PRAM1: variants seen among roughly 807,000 people sequenced by gnomAD.
The protein encoded by PRAM1 is PML-RARA regulated adaptor molecule 1, also known as PML-RARA-regulated adapter molecule 1.
Under a neutral mutation model 55.3 loss-of-function variants are expected in PRAM1, and 41 were observed. The ratio of observed to expected loss-of-function variants is 0.74; its 90% confidence interval spans 0.58 to 0.96. The LOEUF (loss-of-function observed/expected upper bound fraction) is 0.96. PRAM1 is among the 40% of genes least tolerant of loss of function. The pLI is 0.00. For synonymous variants in PRAM1, 401 were observed against 387.1 expected, an observed-to-expected ratio of 1.04 and a Z score of -0.42; for missense variants, 898 against 892.7, an observed-to-expected ratio of 1.01 and a Z score of -0.08.
In PRAM1 at chr19:8,490,640, C is replaced by A. The variant is rs760586369; in HGVS notation, c.1860G>T (p.Glu620Asp). 6.3e-7 allele frequency: 1 copy of A among 1,586,278 alleles called. No individual in the cohort carries two copies. Residue 620 changes from glutamate (E) to aspartate (D), a missense_variant, in exon 7 of 10, where the codon GAG becomes GAT. Physicochemically the swap from Glu to Asp is conservative, Grantham distance 45 (BLOSUM62 2). Around this residue, in one of 4 missense-constraint regions of PRAM1, gnomAD observed 787 missense variants for 735.4 expected, o/e 1.07. Transcript: ENST00000423345. This position sits in a 1 kb window ranked among gnomAD's most constrained non-coding sequence, Gnocchi z 7.3. ...ACAGCATCTCCTCATTGCTGGTGAA[C>A]TCGATCACCTCCAGGATCTCCCCGC... ...IRRGEILEVIEFTSNEEMLCR... is the reference protein window; with the variant it reads ...IRRGEILEVIDFTSNEEMLCR...
intron 1 of PRAM1, 41 bp from the exon 2 acceptor site, chr19:8,499,821 C>T: frequency 6.6e-7 from 1 of 1,508,724 alleles, no homozygotes; most frequent in South Asian, 1.2e-5. Context: ...CTCAAACACA[C>T]AGAAGGGGCA....
chr19:8,499,861 A>C, intron 1 of PRAM1, 81 bp from the exon 2 acceptor site: 7 of 1,202,362 alleles, frequency 5.8e-6, no homozygotes, highest in South Asian at 1.5e-5. Flanking sequence ...ACCCTCAGGC[A>C]CAGCCCACAA....
intron 1 of PRAM1, among the ~76,000 whole-genome samples, chr19:8,500,344 C>T (rs543930724): frequency 2.0e-5 from 3 of 152,048 alleles, no homozygotes; most frequent in Admixed American, 6.5e-5. Context: ...TCACCACTGT[C>T]ACCCCAGGAG....
chr19:8,499,813 C>T (rs1395287790), intron 1 of PRAM1, 33 bp from the exon 2 acceptor site: 6 of 1,533,908 alleles, frequency 3.9e-6, no homozygotes, highest in African/African-American at 1.4e-5. Context: ...GGCAGGGGCT[C>T]AAACACACAG....
At chr19:8,496,852 C>T (rs1971705898) in intron 4 of PRAM1, among the ~76,000 whole-genome samples, 1 of 152,012 alleles carries the variant, frequency 6.6e-6, no homozygotes, top group African/African-American at 2.4e-5. Context: ...GGTGAAACCC[C>T]ATCTCTACTA....
Position 8,498,531 on chromosome 19 carries a change from C to A in PRAM1, c.1277G>T (p.Ser426Ile). ...PRWRSGGLVH[S>I]GGARPGLRPS... Reference sequence around the variant, plus strand: ...TCTGAGGCCTGGCCTGGCCCCTCCACTGTGAACCAGGCCTCCTGACCTCCA... The same window carrying A: ...TCTGAGGCCTGGCCTGGCCCCTCCAATGTGAACCAGGCCTCCTGACCTCCA... Residue 426 changes from serine to isoleucine, a missense_variant, in exon 2 of 10, where the codon AGT becomes ATT. Physicochemically the swap from Ser to Ile is moderately radical, Grantham distance 142 (BLOSUM62 -2). This residue lies in a region of PRAM1 where 787 missense variants were observed against 735.4 expected (regional missense o/e 1.07). Transcript: ENST00000423345. 1 of 1,608,344 alleles carries A rather than the reference C, an allele frequency of 6.2e-7. No individual in the cohort carries two copies. The highest frequency in any genetic ancestry group is 2.2e-5 in the East Asian group (1 of 44,806).
In PRAM1 at chr19:8,499,334, C is replaced by G. The variant is rs372388181; in HGVS notation, c.474G>C (p.Pro158=). Residue 158 remains proline, a synonymous_variant, in exon 2 of 10, where the codon CCG becomes CCC. Transcript: ENST00000423345. The part of the protein sequence containing the change: ...VGEAPLKASL[P]EPGAPARKPL... ...GTTTCCGGGCCGGCGCACCAGGCTC[C>G]GGCAGCGAGGCCTTCAAAGGGGCCT... 8 of 1,610,994 alleles carry G rather than the reference C, an allele frequency of 5.0e-6. No individual in the cohort carries two copies. The highest frequency in any genetic ancestry group is 1.7e-4 in the Middle Eastern group (1 of 5,858).
chr19:8,500,511 T>G (rs1292944765), intron 1 of PRAM1, among the ~76,000 whole-genome samples: 1 of 152,160 alleles, frequency 6.6e-6, no homozygotes, highest in Admixed American at 6.5e-5. Flanking sequence ...TGTGTCCCTC[T>G]GCTCAAAACT....
At position 8,497,641 on chromosome 19, in the gene PRAM1, T is replaced by C. The variant is rs374366366; in HGVS notation, c.1576+123A>G. ...GTCCTTCGCCTCTGGGCTCCCCTTA[T>C]GTAGTTCCACCCAGCAGGAGCCAGC... On this transcript the variant is annotated intron_variant, in intron 4 of 9. Transcript: ENST00000423345. The C allele has an allele frequency of 9.4e-4, 698 of 738,954 alleles. 2 individuals carry two copies. The African/African-American group carries it at 0.011, about 12-fold the overall frequency. 45.8% of individuals were successfully genotyped at this position (738,954 alleles called of 1,614,324 possible).
Position 8,490,110 on chromosome 19 carries a change from T to C in PRAM1, c.*79A>G. ...GTACAAGCCCAGGCAGCTCTGTGAC[T>C]TTCCCGCGCCGGGATCCAGGGCTCC... On this transcript the variant is annotated 3_prime_UTR_variant, in exon 10 of 10. Coordinates refer to ENST00000423345, the MANE Select transcript of PRAM1 (RefSeq NM_032152.5). This position sits in a 1 kb window ranked among gnomAD's most constrained non-coding sequence, Gnocchi z 7.3. 1.4e-6 allele frequency: 2 copies of C among 1,399,120 alleles called. No individual in the cohort carries two copies. The highest frequency in any genetic ancestry group is 1.9e-6 in the Non-Finnish European group (2 of 1,045,528). The allele number at this position is 1,399,120 out of a possible 1,614,324, so 86.7% of individuals were successfully genotyped here.
At chr19:8,494,500 G>A (rs538264001) in intron 4 of PRAM1, among the ~76,000 whole-genome samples, 95 of 152,298 alleles carry the variant, frequency 6.2e-4, no homozygotes, top group Non-Finnish European at 1.2e-3. Context: ...GGCTGTCAGC[G>A]AGAGCAGGAG....
In PRAM1 at chr19:8,499,365, A is replaced by G. The variant is rs781342267; in HGVS notation, c.443T>C (p.Val148Ala). ...CGAGGCCTTCAAAGGGGCCTCACCG[A>G]CCTCAGGCTGCAGGGGCTTCCTTGG... Reference protein sequence around the residue: ...PFPRKPLQPEVGEAPLKASLP... With the variant: ...PFPRKPLQPEAGEAPLKASLP... The change falls in exon 2 of 10, where the codon GTC becomes GCC. Residue 148 changes from valine to alanine, a missense_variant. Physicochemically the swap from Val to Ala is moderately conservative, Grantham distance 64. Coordinates refer to ENST00000423345, the MANE Select transcript of PRAM1 (RefSeq NM_032152.5). 11 of 1,612,800 alleles carry G rather than the reference A, an allele frequency of 6.8e-6. No individual in the cohort carries two copies. The highest frequency in any genetic ancestry group is 9.3e-6 in the Non-Finnish European group (11 of 1,179,710).
chr19:8,492,243 T>TG (rs1971640649), intron 4 of PRAM1, among the ~76,000 whole-genome samples: 3 of 142,208 alleles, frequency 2.1e-5, no homozygotes, highest in South Asian at 2.3e-4. Flanking sequence ...CCGTTTTTTT[T>TG]TTTGTTTCTT....
Position 8,498,503 on chromosome 19 carries a change from G to A in PRAM1, c.1305C>T (p.Pro435=). 1 of 1,597,030 alleles carries A rather than the reference G, an allele frequency of 6.3e-7. No homozygotes were observed. Among genetic ancestry groups the A allele is most frequent in the East Asian group, 2.2e-5 (1 of 44,594 alleles). Residue 435 remains proline, a synonymous_variant, in exon 2 of 10, where the codon CCC becomes CCT. Coordinates refer to ENST00000423345, the MANE Select transcript of PRAM1 (RefSeq NM_032152.5). ...GAGGCCTCCGCCGGGGTGGATGGCTGGGTCTGAGGCCTGGCCTGGCCCCTC... is the reference window on the plus strand; with the variant it reads ...GAGGCCTCCGCCGGGGTGGATGGCTAGGTCTGAGGCCTGGCCTGGCCCCTC... The part of the protein sequence containing the change: ...HSGGARPGLR[P]SHPPRRRPLP...
intron 4 of PRAM1, chr19:8,491,521 C>CT: frequency 2.9e-6 from 1 of 343,818 alleles, no homozygotes; most frequent in Admixed American, 4.3e-5. Context: ...GCGTGAGCCA[C>CT]TGCGCCTGGC....
At position 8,490,267 on chromosome 19, in the gene PRAM1, A is replaced by C. The variant is rs374550777; in HGVS notation, c.1976-41T>G. Reference sequence around the variant, plus strand: ...GACTTCCATGGACCCCTCTCCCCAGAAGCCCAATAGTGAGCAGCGCCCCCG... The same window carrying C: ...GACTTCCATGGACCCCTCTCCCCAGCAGCCCAATAGTGAGCAGCGCCCCCG... On this transcript the variant is annotated intron_variant, in intron 9 of 9. Coordinates refer to ENST00000423345, the MANE Select transcript of PRAM1 (RefSeq NM_032152.5). The surrounding 1 kb of genome is among the most constrained non-coding windows in gnomAD (Gnocchi z 7.3). 82 of 1,612,462 alleles carry C rather than the reference A, an allele frequency of 5.1e-5. No individual in the cohort carries two copies. Among genetic ancestry groups the C allele is most frequent in the Non-Finnish European group, 6.6e-5 (78 of 1,179,132 alleles).
In PRAM1 at chr19:8,498,896, C is replaced by T; in HGVS notation, c.912G>A (p.Val304=). The T allele has an allele frequency of 6.2e-7, 1 of 1,613,014 alleles. No individual in the cohort carries two copies. Among genetic ancestry groups the T allele is most frequent in the Non-Finnish European group, 8.5e-7 (1 of 1,179,568 alleles). ...TRTSSEPEVS[V]LPKRPRPAEF... is the part of the protein sequence containing the mutation. ...CGGCCGGCCGCGGCCTCTTGGGAAG[C>T]ACGCTGACTTCGGGCTCTGAGGAGG... The change falls in exon 2 of 10, where the codon GTG becomes GTA. Residue 304 remains valine (V), a synonymous_variant. Transcript: ENST00000423345.
intron 4 of PRAM1, among the ~76,000 whole-genome samples, chr19:8,495,124 G>A (rs1211764778): frequency 6.7e-6 from 1 of 149,996 alleles, no homozygotes; most frequent in African/African-American, 2.5e-5. Flanking sequence ...TTTTGAGATT[G>A]AGTCTCACTC....
At chr19:8,491,649 G>A (rs114763518) in intron 4 of PRAM1, 86 of 190,710 alleles carry the variant, frequency 4.5e-4, no homozygotes, top group African/African-American at 1.9e-3. Flanking sequence ...TTTCTCAGGG[G>A]TCATGGGTTC....
Sources: gnomAD v4.1 joint callset for allele counts (sites outside exome capture counted in the v4.1 genomes callset) on GRCh38, gnomAD v4.1.1 for gene constraint, gnomAD v4.1.1 regional missense constraint, Gnocchi (gnomAD v3.1) non-coding constraint, MANE v1.5 for transcripts, NCBI Gene and HGNC (gene_info 2026-07-23, HGNC 2026-07-21) for gene names.